Variants in GADL1 observed in about 807,000 individuals in gnomAD.
GADL1 encodes acidic amino acid decarboxylase GADL1.
Under a neutral mutation model 69.5 loss-of-function variants are expected in GADL1, and 71 were observed. The ratio of observed to expected loss-of-function variants is 1.02; its 90% CI spans 0.84 to 1.25. GADL1 has a LOEUF of 1.25. Among genes scored for constraint, GADL1 ranks in the 50% most tolerant of loss-of-function variants. The probability of loss-of-function intolerance (pLI) is 0.00; values close to 1 mark genes in which losing one functional copy is unlikely to be tolerated. For missense variants in GADL1, 737 were observed against 631.8 expected (o/e 1.17, Z -1.79); for synonymous variants, 254 against 214.4 (o/e 1.18, Z -1.62).
At chr3:30,852,586 A>C (rs6773638) in intron 4 of GADL1, among the ~76,000 whole-genome samples, 6,350 of 152,192 alleles carry the variant, frequency 0.042, 428 homozygotes, top group African/African-American at 0.14. Flanking sequence ...AAAAAGTATG[A>C]AAAAAGCATA....
chr3:30,825,743 C>T (rs1910331), intron 11 of GADL1, among the ~76,000 whole-genome samples: 4 of 151,516 alleles, frequency 2.6e-5, no homozygotes, highest in Non-Finnish European at 4.4e-5. Flanking sequence ...ACACAGGGAG[C>T]GGGGAATATC....
Position 30,728,066 on chromosome 3 carries a change from G to A in GADL1, c.*176C>T, listed in dbSNP as rs1460742032. ...CTTCTTTTAGCAACAGTAATGCCCA[G>A]GCAGCTAGAGAGTCCTTAATATTCA... is the stretch of plus-strand genomic sequence containing the variant. On this transcript the variant is annotated 3_prime_UTR_variant, in exon 15 of 15. Coordinates refer to ENST00000282538, the MANE Select transcript of GADL1 (RefSeq NM_207359.3). 1 of 516,746 alleles carries A rather than the reference G, an allele frequency of 1.9e-6. No homozygotes were observed. The highest frequency in any genetic ancestry group is 1.9e-5 in the African/African-American group (1 of 52,370). The allele number at this position is 516,746 out of a possible 1,614,324, so 32.0% of individuals were successfully genotyped here.
At chr3:30,814,985 T>A (rs919978943) in intron 11 of GADL1, among the ~76,000 whole-genome samples, 5 of 122,086 alleles carry the variant, frequency 4.1e-5, no homozygotes, top group Admixed American at 2.7e-4. Flanking sequence ...AAAAAAAATT[T>A]TTTTCATTAA....
intron 1 of GADL1, among the ~76,000 whole-genome samples, chr3:30,883,700 TAAAG>T: frequency 6.6e-6 from 1 of 152,166 alleles, no homozygotes; most frequent in Admixed American, 6.6e-5. Flanking sequence ...TGGGTTTTGA[TAAAG>T]ATTGTGTTAA....
chr3:30,863,591 A>G (rs1427346224), intron 1 of GADL1, among the ~76,000 whole-genome samples: 1 of 151,978 alleles, frequency 6.6e-6, no homozygotes, highest in Non-Finnish European at 1.5e-5. Context: ...TCCACCTTAT[A>G]ATGTATATGT....
intron 14 of GADL1, among the ~76,000 whole-genome samples, chr3:30,772,915 G>A (rs942798572): frequency 3.9e-5 from 6 of 151,992 alleles, no homozygotes; most frequent in African/African-American, 1.4e-4. Flanking sequence ...CACAATGCCC[G>A]AAGCTTTCAG....
chr3:30,795,208 A>G (rs1697008490), intron 12 of GADL1, among the ~76,000 whole-genome samples: 1 of 152,016 alleles, frequency 6.6e-6, no homozygotes, highest in Admixed American at 6.6e-5. Context: ...GATTTGGTAA[A>G]CTCTGAAGCA....
chr3:30,882,936 GC>G (rs1698661484), intron 1 of GADL1, among the ~76,000 whole-genome samples: 1 of 151,722 alleles, frequency 6.6e-6, no homozygotes, highest in African/African-American at 2.4e-5. Context: ...GAGCATCTTT[GC>G]GTACATTTGT....
chr3:30,822,411 C>G (rs1270323602), intron 11 of GADL1, among the ~76,000 whole-genome samples: 1 of 151,870 alleles, frequency 6.6e-6, no homozygotes, highest in Non-Finnish European at 1.5e-5. Flanking sequence ...GAATTAGCTG[C>G]TTTCGTGGTA....
chr3:30,833,801 C>T (rs932159436), intron 11 of GADL1, 52 bp downstream of exon 11: 4 of 1,298,416 alleles, frequency 3.1e-6, no homozygotes, highest in Non-Finnish European at 4.5e-6. Context: ...CCTTGGCAAG[C>T]ACAGTGGCTT....
chr3:30,810,126 G>T (rs1697323927), intron 11 of GADL1, among the ~76,000 whole-genome samples: 3 of 152,114 alleles, frequency 2.0e-5, no homozygotes, highest in Admixed American at 1.3e-4. Flanking sequence ...CTTTCCTCGA[G>T]TTTATTTTGA....
intron 4 of GADL1, among the ~76,000 whole-genome samples, chr3:30,853,362 T>C (rs945007016): frequency 6.8e-6 from 1 of 146,360 alleles, no homozygotes; most frequent in Non-Finnish European, 1.5e-5. Context: ...TCTCAAGTGA[T>C]TTTCATGAAT....
intron 14 of GADL1, among the ~76,000 whole-genome samples, chr3:30,744,180 T>C (rs1281975633): frequency 6.6e-6 from 1 of 152,190 alleles, no homozygotes; most frequent in South Asian, 2.1e-4. Context: ...AGTTCTACTT[T>C]AGAGGAAATC....
chr3:30,838,883 C>G, intron 9 of GADL1, 114 bp downstream of exon 9: 2 of 609,126 alleles, frequency 3.3e-6, no homozygotes, highest in Non-Finnish European at 5.9e-6. Context: ...CAATTTGAGA[C>G]ACAAACAAAA....
chr3:30,867,195 G>T (rs1698415798), intron 1 of GADL1, among the ~76,000 whole-genome samples: 1 of 151,784 alleles, frequency 6.6e-6, no homozygotes. Flanking sequence ...TCTATGTGGA[G>T]CCTAGGATCT....
intron 1 of GADL1, among the ~76,000 whole-genome samples, chr3:30,865,980 T>C (rs1698397076): frequency 6.7e-6 from 1 of 149,390 alleles, no homozygotes; most frequent in Non-Finnish European, 1.5e-5. Flanking sequence ...GAGAGATACA[T>C]TGTTCTCCCT....
At chr3:30,825,180 G>A (rs779235614) in intron 11 of GADL1, among the ~76,000 whole-genome samples, 1 of 151,772 alleles carries the variant, frequency 6.6e-6, no homozygotes, top group Non-Finnish European at 1.5e-5. Flanking sequence ...CAAGACCAGG[G>A]TACCACTTTT....
chr3:30,761,755 C>G (rs1696140167), intron 14 of GADL1, among the ~76,000 whole-genome samples: 1 of 152,092 alleles, frequency 6.6e-6, no homozygotes, highest in Non-Finnish European at 1.5e-5. Context: ...AGTAAAAAAT[C>G]TGGAACACTT....
chr3:30,833,374 T>C (rs571250466), intron 11 of GADL1, among the ~76,000 whole-genome samples: 1 of 152,136 alleles, frequency 6.6e-6, no homozygotes, highest in Non-Finnish European at 1.5e-5. Flanking sequence ...CCCTAATAAA[T>C]TAGTGTTCGA....
Sources: allele counts gnomAD v4.1 joint callset (sites outside exome capture counted in the v4.1 genomes callset), GRCh38; gene constraint gnomAD v4.1.1; transcripts MANE v1.5; gene names NCBI Gene and HGNC (gene_info 2026-07-23, HGNC 2026-07-21).